Variants in AFF2 observed in about 807,000 individuals in gnomAD.
AFF2 encodes AF4/FMR2 family member 2.
Under a neutral mutation model 76.9 loss-of-function variants are expected in AFF2, and 14 were observed. That is an observed-to-expected ratio of 0.18 (90% CI 0.12 to 0.28). The LOEUF is 0.28. Ranked by LOEUF, AFF2 falls within the 10% of genes least tolerant of loss-of-function variation. AFF2 has a pLI of 1.00. For missense variants in AFF2, 868 were observed against 1,001.1 expected, an observed-to-expected ratio of 0.87 and a Z score of 1.79; for synonymous variants, 398 against 366.7, an observed-to-expected ratio of 1.09 and a Z score of -0.98.
chrX:148,942,216 G>A (rs1291718987), intron 9 of AFF2, among the ~76,000 whole-genome samples: 3 of 107,766 alleles, frequency 2.8e-5, no homozygotes, highest in Non-Finnish European at 5.7e-5. Context: ...GAGGGGAAAC[G>A]TGCCACTGTA....
intron 3 of AFF2, among the ~76,000 whole-genome samples, chrX:148,700,696 A>G (rs2054779400): frequency 9.0e-6 from 1 of 110,877 alleles, no homozygotes; most frequent in African/African-American, 3.3e-5. Flanking sequence ...GTTGTTGTTT[A>G]GAAAGAACAT....
At chrX:148,693,073 C>G in intron 3 of AFF2, among the ~76,000 whole-genome samples, 1 of 111,087 alleles carries the variant, frequency 9.0e-6, no homozygotes, top group Non-Finnish European at 1.9e-5. Context: ...CGCCTGCCAC[C>G]AGGCTGGCTA....
intron 3 of AFF2, among the ~76,000 whole-genome samples, chrX:148,717,384 C>T (rs985412033): frequency 4.3e-5 from 4 of 92,389 alleles, no homozygotes; most frequent in East Asian, 2.9e-4. Flanking sequence ...CAGAAAGCAG[C>T]TTATCAGTTA....
chrX:148,581,014 CACAA>C (rs2053351922), intron 1 of AFF2, among the ~76,000 whole-genome samples: 1 of 71,544 alleles, frequency 1.4e-5, no homozygotes, highest in Non-Finnish European at 2.8e-5. Flanking sequence ...ACCTCCTACA[CACAA>C]ACATATGTGT....
intron 9 of AFF2, among the ~76,000 whole-genome samples, chrX:148,942,586 G>T (rs2071850025): frequency 9.0e-6 from 1 of 110,995 alleles, no homozygotes; most frequent in African/African-American, 3.3e-5. Flanking sequence ...GGAGGCCAAG[G>T]TGGGTGAATC....
At chrX:148,775,992 G>A (rs1557268538) in intron 3 of AFF2, among the ~76,000 whole-genome samples, 1 of 110,349 alleles carries the variant, frequency 9.1e-6, no homozygotes, top group African/African-American at 3.3e-5. Context: ...TATTTCTCCT[G>A]ATGCTCTCCC....
chrX:148,575,657 G>T (rs1196499375), intron 1 of AFF2, among the ~76,000 whole-genome samples: 1 of 110,082 alleles, frequency 9.1e-6, no homozygotes, highest in Non-Finnish European at 1.9e-5. Context: ...AATTAATGAA[G>T]CCCAGTACTG....
chrX:148,669,616 G>A (rs1170576494), intron 3 of AFF2, among the ~76,000 whole-genome samples: 1 of 110,903 alleles, frequency 9.0e-6, no homozygotes, highest in Non-Finnish European at 1.9e-5. Context: ...GAGACTTACT[G>A]ACTATCACGA....
intron 9 of AFF2, among the ~76,000 whole-genome samples, chrX:148,906,507 C>T (rs1382737936): frequency 8.9e-6 from 1 of 111,923 alleles, no homozygotes; most frequent in Non-Finnish European, 1.9e-5. Flanking sequence ...CACACCCGAC[C>T]AATCAGGTAG....
chrX:148,753,666 G>A (rs1302074790), intron 3 of AFF2, among the ~76,000 whole-genome samples: 1 of 112,099 alleles, frequency 8.9e-6, no homozygotes, highest in Non-Finnish European at 1.9e-5. Flanking sequence ...GCTATGATGT[G>A]TATCCTGCAC....
intron 3 of AFF2, among the ~76,000 whole-genome samples, chrX:148,747,748 G>A (rs1228179519): frequency 1.8e-5 from 2 of 111,790 alleles, no homozygotes; most frequent in Non-Finnish European, 3.8e-5. Flanking sequence ...ATGTTTCAGA[G>A]CTTCATATTC....
chrX:148,876,843 G>A (rs1025587307), intron 7 of AFF2, among the ~76,000 whole-genome samples: 1 of 111,512 alleles, frequency 9.0e-6, no homozygotes, highest in Admixed American at 9.5e-5. Context: ...CAGAACAAGA[G>A]AGGACAAGAA....
At position 148,952,605 on chromosome X, in the gene AFF2, G is replaced by A. The variant is rs781968459; in HGVS notation, c.1398-975G>A. Among the ~76,000 whole-genome samples the A allele has an allele frequency of 4.5e-5, 5 of 111,725 alleles. No homozygotes were observed. The East Asian group carries it at 1.1e-3, about 25-fold the overall frequency. On this transcript the variant is annotated intron_variant, in intron 9 of 20. Transcript: ENST00000370460. ...AAGCAACAATGAGAAAAAGAAAGGT[G>A]ATGGCATACCCCAGTGTACCAAGTT... is the stretch of plus-strand genomic sequence containing the variant.
intron 3 of AFF2, among the ~76,000 whole-genome samples, chrX:148,663,979 A>T (rs1448107462): frequency 2.7e-5 from 3 of 111,670 alleles, no homozygotes; most frequent in Non-Finnish European, 3.8e-5. Context: ...TTGTATCATC[A>T]TTCATCAAGT....
intron 2 of AFF2, among the ~76,000 whole-genome samples, chrX:148,655,939 TG>T (rs1251056263): frequency 8.9e-6 from 1 of 112,021 alleles, no homozygotes; most frequent in Admixed American, 9.4e-5. Context: ...TTCCTGATGG[TG>T]GGTCAAGACT....
At chrX:148,681,232 C>T (rs241127) in intron 3 of AFF2, among the ~76,000 whole-genome samples, 19,255 of 110,707 alleles carry the variant, frequency 0.17, 1,260 homozygotes, top group Non-Finnish European at 0.2. Flanking sequence ...CAGAAATCAC[C>T]GGATCACACC....
chrX:148,882,164 A>G (rs2071104452), intron 7 of AFF2, among the ~76,000 whole-genome samples: 1 of 111,629 alleles, frequency 9.0e-6, no homozygotes, highest in Admixed American at 9.5e-5. Flanking sequence ...TCTGGTTATC[A>G]TTCACATGGG....
intron 4 of AFF2, among the ~76,000 whole-genome samples, chrX:148,829,244 AACC>A (rs371128538): frequency 8.9e-6 from 1 of 112,452 alleles, no homozygotes; most frequent in African/African-American, 3.2e-5. Context: ...TGTTTAATGT[AACC>A]GTTGATTTTA....
chrX:148,831,600 T>A (rs2070454881), intron 4 of AFF2, among the ~76,000 whole-genome samples: 2 of 112,035 alleles, frequency 1.8e-5, no homozygotes, highest in African/African-American at 6.5e-5. Context: ...AGGGTGCTAA[T>A]GCCCTGCCTG....
Sources: gnomAD v4.1 joint callset for allele counts (sites outside exome capture counted in the v4.1 genomes callset) on GRCh38, gnomAD v4.1.1 for gene constraint, MANE v1.5 for transcripts, NCBI Gene and HGNC (gene_info 2026-07-23, HGNC 2026-07-21) for gene names.